DDX4: variants seen among roughly 807,000 people sequenced by gnomAD.
DDX4 encodes the protein DEAD-box helicase 4.
DDX4 carries 25 observed loss-of-function variants against 100.0 expected under a neutral mutation model. The observed-to-expected ratio is 0.25, with a 90% CI of 0.18 to 0.35. DDX4 has a LOEUF of 0.35. Among genes scored for constraint, DDX4 ranks in the 10% least tolerant of loss-of-function variants. DDX4 has a pLI of 1.00. For synonymous variants in DDX4, 259 were observed against 275.7 expected, an observed-to-expected ratio of 0.94 and a Z score of 0.60; for missense variants, 635 against 882.4, an observed-to-expected ratio of 0.72 and a Z score of 3.55.
At chr5:55,813,015 C>T (rs1238353280) in intron 18 of DDX4, among the ~76,000 whole-genome samples, 2 of 152,008 alleles carry the variant, frequency 1.3e-5, no homozygotes. Context: ...TATCTTTCTT[C>T]TCCAACATTT....
At chr5:55,807,935 CCT>C (rs944432373) in intron 18 of DDX4, among the ~76,000 whole-genome samples, 2 of 152,184 alleles carry the variant, frequency 1.3e-5, no homozygotes, top group African/African-American at 4.8e-5. Context: ...TTCCATTCTC[CCT>C]GTCACTTTCA....
chr5:55,770,267 A>G (rs1741175194), intron 7 of DDX4, among the ~76,000 whole-genome samples: 1 of 152,108 alleles, frequency 6.6e-6, no homozygotes, highest in African/African-American at 2.4e-5. Context: ...GGACAATGTG[A>G]ATCTTGGTCA....
intron 2 of DDX4, among the ~76,000 whole-genome samples, chr5:55,742,696 T>C (rs1215017329): frequency 6.6e-6 from 1 of 152,196 alleles, no homozygotes; most frequent in Non-Finnish European, 1.5e-5. Flanking sequence ...AGAGGTAAGC[T>C]AAAGACAAGA....
rs530738566 is a variant in DDX4 at position 55,764,038 on chromosome 5, A to G, written c.308A>G (p.Asp103Gly). ...NRGFSNSRFE[D>G]GDSSGFWRES... ...GGTTTTTCAAACAGCAGGTTTGAAG[A>G]TGGTGATAGCTCTGGTTTCTGGAGA... The change falls in exon 6 of 22, where the codon GAT becomes GGT. Residue 103 changes from aspartate to glycine, a missense_variant. Physicochemically the swap from Asp to Gly is moderately conservative, Grantham distance 94. Transcript: ENST00000505374. The G allele has an allele frequency of 1.9e-6, 3 of 1,611,084 alleles. No individual in the cohort carries two copies. Among genetic ancestry groups the G allele is most frequent in the Admixed American group, 3.3e-5 (2 of 59,996 alleles).
chr5:55,750,598 C>A (rs1759496669), intron 3 of DDX4, among the ~76,000 whole-genome samples: 1 of 152,076 alleles, frequency 6.6e-6, no homozygotes, highest in Non-Finnish European at 1.5e-5. Flanking sequence ...GATTGTTTGG[C>A]AATTTCTACA....
At chr5:55,792,081 G>T (rs1393291450) in intron 16 of DDX4, among the ~76,000 whole-genome samples, 3 of 134,228 alleles carry the variant, frequency 2.2e-5, no homozygotes, top group Non-Finnish European at 4.6e-5. Context: ...CTGAGCTTGT[G>T]CCACTGCACT....
chr5:55,803,898 C>A (rs1743507932), intron 18 of DDX4, among the ~76,000 whole-genome samples: 1 of 152,166 alleles, frequency 6.6e-6, no homozygotes, highest in Non-Finnish European at 1.5e-5. Context: ...TGAGGAATCG[C>A]CACACTGACT....
intron 3 of DDX4, among the ~76,000 whole-genome samples, chr5:55,757,689 C>G (rs1760022663): frequency 2.6e-5 from 4 of 152,026 alleles, no homozygotes; most frequent in South Asian, 4.1e-4. Flanking sequence ...TGAAAAAAAT[C>G]TACTGTATTG....
intron 3 of DDX4, among the ~76,000 whole-genome samples, chr5:55,756,364 A>G (rs1300047877): frequency 1.3e-5 from 2 of 152,154 alleles, no homozygotes; most frequent in Non-Finnish European, 2.9e-5. Flanking sequence ...TGAAGTCTCT[A>G]TTTGGAAGAC....
At chr5:55,793,333 A>G (rs1742712526) in intron 17 of DDX4, among the ~76,000 whole-genome samples, 1 of 151,510 alleles carries the variant, frequency 6.6e-6, no homozygotes, top group African/African-American at 2.4e-5. Flanking sequence ...TCAAGGAGCC[A>G]GAAGTGCCCA....
At chr5:55,764,236 G>T (rs563911169) in intron 6 of DDX4, among the ~76,000 whole-genome samples, 172 bp downstream of exon 6, 1 of 152,236 alleles carries the variant, frequency 6.6e-6, no homozygotes, top group African/African-American at 2.4e-5. Context: ...TGTACATAAA[G>T]AATTCAGGCA....
At chr5:55,738,879 G>A (rs1758832822) in intron 1 of DDX4, 71 bp from the exon 2 acceptor site, 1 of 916,262 alleles carries the variant, frequency 1.1e-6, no homozygotes, top group East Asian at 2.4e-5. Flanking sequence ...GAAACAATGA[G>A]TTTATGCTTT....
chr5:55,808,758 G>A lies in DDX4; in HGVS notation c.1616-4915G>A, dbSNP rs181855373. Among the ~76,000 whole-genome samples the A allele has an allele frequency of 2.4e-3, 370 of 152,344 alleles. 3 individuals are homozygous for A. The highest frequency in any genetic ancestry group is 8.4e-3 in the African/African-American group (350 of 41,586). ...GGTGCCTCCCAGTTAGGCTCCTTGG[G>A]GGTCAGGGACCCGCTTGAGGAGGCA... is the stretch of plus-strand genomic sequence containing the variant. On this transcript the variant is annotated intron_variant, in intron 18 of 21. Coordinates refer to ENST00000505374, the MANE Select transcript of DDX4 (RefSeq NM_024415.3).
At chr5:55,768,358 C>T (rs189124921) in intron 7 of DDX4, among the ~76,000 whole-genome samples, 178 of 152,276 alleles carry the variant, frequency 1.2e-3, no homozygotes, top group African/African-American at 4.0e-3. Flanking sequence ...GTTTAGCTCC[C>T]ACTTATAAGT....
chr5:55,803,415 G>A (rs1743456121), intron 18 of DDX4, among the ~76,000 whole-genome samples: 1 of 149,522 alleles, frequency 6.7e-6, no homozygotes, highest in Admixed American at 6.7e-5. Flanking sequence ...ATGCTGGTGA[G>A]CTGCACCCAC....
At chr5:55,744,639 G>A (rs1048550708) in intron 2 of DDX4, among the ~76,000 whole-genome samples, 4 of 152,212 alleles carry the variant, frequency 2.6e-5, no homozygotes, top group Non-Finnish European at 5.9e-5. Context: ...TAATGCATGT[G>A]TGTTAATAGT....
chr5:55,748,416 G>A (rs1441026020), intron 3 of DDX4, among the ~76,000 whole-genome samples: 1 of 152,106 alleles, frequency 6.6e-6, no homozygotes, highest in African/African-American at 2.4e-5. Flanking sequence ...GAAAGTTTAG[G>A]TCTATAGTAT....
intron 3 of DDX4, among the ~76,000 whole-genome samples, chr5:55,749,097 C>G (rs1365506857): frequency 6.6e-6 from 1 of 152,184 alleles, no homozygotes; most frequent in South Asian, 2.1e-4. Flanking sequence ...CAAAATTAAG[C>G]GAAAACAATT....
chr5:55,751,753 G>T (rs560270561), intron 3 of DDX4, among the ~76,000 whole-genome samples: 1 of 152,260 alleles, frequency 6.6e-6, no homozygotes, highest in South Asian at 2.1e-4. Flanking sequence ...TTGTCTGTCA[G>T]CTTTGTTCAT....
Sources: gnomAD v4.1 joint callset for allele counts (sites outside exome capture counted in the v4.1 genomes callset) on GRCh38, gnomAD v4.1.1 for gene constraint, MANE v1.5 for transcripts, NCBI Gene and HGNC (gene_info 2026-07-23, HGNC 2026-07-21) for gene names.